LYPD1: variants seen among roughly 807,000 people sequenced by gnomAD.
LYPD1 encodes LY6/PLAUR domain containing 1, also known as ly6/PLAUR domain-containing protein 1.
LYPD1 carries 14 observed loss-of-function variants against 14.2 expected under a neutral mutation model. That is an observed-to-expected ratio of 0.99 (90% confidence interval 0.65 to 1.54). The LOEUF is 1.54. Among genes scored for constraint, LYPD1 ranks in the 40% most tolerant of loss-of-function variants. The pLI is 0.00. For synonymous variants in LYPD1, 85 were observed against 70.6 expected (o/e 1.20, Z -1.02); for missense variants, 165 against 175.7 (o/e 0.94, Z 0.34).
Position 132,645,206 on chromosome 2 carries a change from C to A in LYPD1, c.*839G>T, listed in dbSNP as rs1217617986. 6 of 1,614,024 alleles carry A rather than the reference C, an allele frequency of 3.7e-6. No individual in the cohort carries two copies. The highest frequency in any genetic ancestry group is 1.7e-5 in the Admixed American group (1 of 59,992). ...GACTGGACGAGGTCCTACTTCCGGG[C>A]GTACATGATCCTCCTCCCCTTCTCG... On this transcript the variant is annotated 3_prime_UTR_variant, in exon 3 of 3. Transcript: ENST00000397463.
At chr2:132,670,369 G>C (rs1163052036), upstream of LYPD1, among the ~76,000 whole-genome samples, 1 of 152,070 alleles carries the variant, frequency 6.6e-6, no homozygotes, top group Non-Finnish European at 1.5e-5. The surrounding 1 kb of genome is among the most constrained non-coding windows in gnomAD (Gnocchi z 4.5). Flanking sequence ...CTCTTCTCCC[G>C]CCTCCGCACG....
chr2:132,648,188 A>T (rs1682206371), intron 2 of LYPD1, among the ~76,000 whole-genome samples: 1 of 152,238 alleles, frequency 6.6e-6, no homozygotes, highest in South Asian at 2.1e-4. Context: ...TTTATTCCTA[A>T]GTATGAAAAA....
At position 132,661,922 on chromosome 2, in the gene LYPD1, A is replaced by G. The variant is rs185204133; in HGVS notation, c.190+6478T>C. Among the ~76,000 whole-genome samples the G allele has an allele frequency of 4.8e-3, 688 of 143,914 alleles. 6 individuals are homozygous for G. The highest frequency in any genetic ancestry group is 7.0e-3 in the Non-Finnish European group (471 of 66,936). The allele number at this position is 143,914 out of a possible 152,430, so 94.4% of individuals were successfully genotyped here. ...AAATACAAAAAAAGCGGGAAAACAT[A>G]GAAAATGGCACCACAGCGGAAAAAA... is the stretch of plus-strand genomic sequence containing the variant. On this transcript the variant is annotated intron_variant, in intron 2 of 2. Transcript: ENST00000397463.
At chr2:132,655,716 G>A (rs1052010839) in intron 2 of LYPD1, among the ~76,000 whole-genome samples, 5 of 151,660 alleles carry the variant, frequency 3.3e-5, no homozygotes, top group African/African-American at 7.3e-5. Context: ...GGGTTTCATC[G>A]TGTTAGCCAG....
In LYPD1 at chr2:132,668,634, C is replaced by A. The variant is rs536944724; in HGVS notation, c.53-97G>T. The A allele has an allele frequency of 1.7e-4, 255 of 1,527,400 alleles. 1 individual carries two copies. In the African/African-American group the frequency reaches 3.4e-3, roughly 20 times the overall value. The allele number at this position is 1,527,400 out of a possible 1,614,324, so 94.6% of individuals were successfully genotyped here. ...CGCCTCAGAGCCAGGCGGCTCCCAG[C>A]CTCTGGCAGGCTTAGACCACTCCTG... is the stretch of plus-strand genomic sequence containing the variant. On this transcript the variant is annotated intron_variant, in intron 1 of 2. Transcript: ENST00000397463.
intron 2 of LYPD1, among the ~76,000 whole-genome samples, chr2:132,653,971 G>A (rs1682448914): frequency 6.8e-6 from 1 of 146,696 alleles, no homozygotes; most frequent in Non-Finnish European, 1.5e-5. Flanking sequence ...TCAGAGGTTA[G>A]AGGAGAAGGA....
chr2:132,643,544 C>A lies in LYPD1; in HGVS notation c.*2501G>T, dbSNP rs1157365776. 6.6e-6 allele frequency among the ~76,000 whole-genome samples: 1 copy of A among 152,180 alleles called. No homozygotes were observed. The highest frequency in any genetic ancestry group is 1.5e-5 in the Non-Finnish European group (1 of 68,022). Reference sequence around the variant, plus strand: ...ATTTATTGGTTTATTGAGACAGTTTCACTCTGTCAGCCAGGCTGGAGTGCA... The same window carrying A: ...ATTTATTGGTTTATTGAGACAGTTTAACTCTGTCAGCCAGGCTGGAGTGCA... On this transcript the variant is annotated 3_prime_UTR_variant, in exon 3 of 3. Coordinates refer to ENST00000397463, the MANE Select transcript of LYPD1 (RefSeq NM_144586.7).
intron 2 of LYPD1, among the ~76,000 whole-genome samples, chr2:132,647,153 T>C (rs1289802352): frequency 6.6e-6 from 1 of 152,182 alleles, no homozygotes; most frequent in Non-Finnish European, 1.5e-5. Flanking sequence ...ACCCTTAGCG[T>C]GTCAGCTTCT....
intron 2 of LYPD1, among the ~76,000 whole-genome samples, chr2:132,667,765 A>T (rs571268262): frequency 6.6e-6 from 1 of 152,258 alleles, no homozygotes; most frequent in South Asian, 2.1e-4. Context: ...ATTCTTGGTC[A>T]ACTAGAGGGA....
rs1416746243 is a variant in LYPD1, at chr2:132,669,694, C to T, written c.52+187G>A. Among the ~76,000 whole-genome samples the T allele has an allele frequency of 3.3e-5, 5 of 152,138 alleles. No individual in the cohort carries two copies. Among genetic ancestry groups the T allele is most frequent in the Non-Finnish European group, 5.9e-5 (4 of 68,014 alleles). ...CAAACCCGCCGCTCCCCGCTCTCCT[C>T]CTGCAGCGCGGGACTTGGACACTTT... On this transcript the variant is annotated intron_variant, in intron 1 of 2. Transcript: ENST00000397463. The surrounding 1 kb of genome is among the most constrained non-coding windows in gnomAD (Gnocchi z 4.3).
At chr2:132,659,359 AGAGAGAGAGCATGAGAGAGTGTGCGT>A (rs1229267849) in intron 2 of LYPD1, among the ~76,000 whole-genome samples, 1 of 152,152 alleles carries the variant, frequency 6.6e-6, no homozygotes, top group African/African-American at 2.4e-5. Context: ...AGAGAGAAAG[AGAGAGAGAGCATGAGAGAGTGTGCGT>A]GAGAGAGAGC....
At chr2:132,659,901 G>A (rs141519691) in intron 2 of LYPD1, among the ~76,000 whole-genome samples, 1 of 152,342 alleles carries the variant, frequency 6.6e-6, no homozygotes, top group African/African-American at 2.4e-5. Flanking sequence ...TTTTGCATAA[G>A]TAATAGAACA....
chr2:132,649,895 AAG>A (rs1227914226), intron 2 of LYPD1, among the ~76,000 whole-genome samples: 1 of 152,062 alleles, frequency 6.6e-6, no homozygotes. Context: ...TTTTTTATGT[AAG>A]AGTTGTAAAG....
Position 132,669,726 on chromosome 2 carries a change from C to T in LYPD1, c.52+155G>A. 1 of 1,422,906 alleles carries T rather than the reference C, an allele frequency of 7.0e-7. No homozygotes were observed. The allele number at this position is 1,422,906 out of a possible 1,614,324, so 88.1% of individuals were successfully genotyped here. ...CGCGGGACTTGGACACTTTCCCAGC[C>T]TCGCGCCCCGGGGCACCAGTCGCGG... On this transcript the variant is annotated intron_variant, in intron 1 of 2. Transcript: ENST00000397463. This position sits in a 1 kb window ranked among gnomAD's most constrained non-coding sequence, Gnocchi z 4.3.
intron 2 of LYPD1, among the ~76,000 whole-genome samples, chr2:132,661,716 G>T (rs1391838447): frequency 6.6e-6 from 1 of 152,180 alleles, no homozygotes; most frequent in Non-Finnish European, 1.5e-5. Context: ...CAGATTAGTG[G>T]TTCCCAGGGG....
intron 2 of LYPD1, among the ~76,000 whole-genome samples, chr2:132,654,473 C>A (rs1032879267): frequency 3.3e-5 from 5 of 151,788 alleles, no homozygotes; most frequent in African/African-American, 1.2e-4. Context: ...GTACCCCCAA[C>A]AAATGCAGTG....
chr2:132,659,004 C>T (rs1296485343), intron 2 of LYPD1, among the ~76,000 whole-genome samples: 1 of 152,020 alleles, frequency 6.6e-6, no homozygotes, highest in Non-Finnish European at 1.5e-5. Context: ...CAAAGCAAAG[C>T]CAGGTCAGCC....
At chr2:132,665,068 TC>T (rs1193617055) in intron 2 of LYPD1, among the ~76,000 whole-genome samples, 1 of 152,160 alleles carries the variant, frequency 6.6e-6, no homozygotes, top group Non-Finnish European at 1.5e-5. Flanking sequence ...ACCTTATTAT[TC>T]CAGAAATGAC....
chr2:132,649,774 T>A (rs1245002492), intron 2 of LYPD1, among the ~76,000 whole-genome samples: 5 of 152,090 alleles, frequency 3.3e-5, no homozygotes, highest in African/African-American at 1.2e-4. Flanking sequence ...CCTGAACAGT[T>A]CCACCATTCA....
Sources: allele counts gnomAD v4.1 joint callset (sites outside exome capture counted in the v4.1 genomes callset), GRCh38; gene constraint gnomAD v4.1.1; non-coding constraint Gnocchi (gnomAD v3.1); transcripts MANE v1.5; gene names NCBI Gene and HGNC (gene_info 2026-07-23, HGNC 2026-07-21).